The following ZMYM5 variants were observed in gnomAD, a reference collection of about 807,000 sequenced individuals.
ZMYM5 encodes the protein zinc finger MYM-type containing 5, also known as zinc finger MYM-type protein 5.
A neutral mutation model predicts 61.8 loss-of-function variants in ZMYM5; 41 were observed. The ratio of observed to expected loss-of-function variants is 0.66; its 90% CI spans 0.52 to 0.86. The LOEUF (loss-of-function observed/expected upper bound fraction) is 0.86. ZMYM5 is among the 40% of genes least tolerant of loss of function. ZMYM5 has a pLI of 0.00. For missense variants in ZMYM5, 706 were observed against 786.7 expected, an observed-to-expected ratio of 0.90 and a Z score of 1.23; for synonymous variants, 257 against 276.4, an observed-to-expected ratio of 0.93 and a Z score of 0.70.
chr13:19,852,872 G>A (rs1345616841), intron 2 of ZMYM5, among the ~76,000 whole-genome samples: 2 of 152,198 alleles, frequency 1.3e-5, no homozygotes, highest in Non-Finnish European at 2.9e-5. Flanking sequence ...TTTTGAGAGA[G>A]GGTCTGGCTC....
intron 2 of ZMYM5, among the ~76,000 whole-genome samples, chr13:19,858,239 A>G (rs1953582949): frequency 6.6e-6 from 1 of 151,456 alleles, no homozygotes; most frequent in African/African-American, 2.4e-5. Flanking sequence ...AAGACAAAAA[A>G]CAAACAGAAA....
Position 19,825,021 on chromosome 13 carries a change from G to A in ZMYM5, c.1466C>T (p.Pro489Leu), listed in dbSNP as rs776262452. 7.3e-6 allele frequency: 10 copies of A among 1,367,452 alleles called. No individual in the cohort carries two copies. The highest frequency in any genetic ancestry group is 1.5e-5 in the African/African-American group (1 of 67,730). 84.7% of individuals were successfully genotyped at this position (1,367,452 alleles called of 1,614,324 possible). A position where few individuals can be genotyped will look rare whatever the true frequency, so the allele number is the denominator to read the frequency against. Residue 489 changes from proline to leucine, a missense_variant, in exon 8 of 8, where the codon CCT (proline) becomes CTT (leucine). Pro to Leu is a moderately conservative substitution (Grantham distance 98). Transcript: ENST00000337963. Reference sequence around the variant, plus strand: ...AGCTATGGTTGACGTGGAAGAAGGAGGTAAATTCACATTCTCTTGGATCAG... The same window carrying A: ...AGCTATGGTTGACGTGGAAGAAGGAAGTAAATTCACATTCTCTTGGATCAG... ...TLLIQENVNLPPSSTSTIADT... is the reference protein window; with the variant it reads ...TLLIQENVNLLPSSTSTIADT...
At chr13:19,835,820 G>GA (rs1952656389) in intron 6 of ZMYM5, 131 bp from the exon 7 acceptor site, 2 of 626,014 alleles carry the variant, frequency 3.2e-6, no homozygotes, top group African/African-American at 3.9e-5. Flanking sequence ...TATACCCAGG[G>GA]AAAAGATTTT....
chr13:19,834,175 G>A (rs1008558480), intron 7 of ZMYM5, among the ~76,000 whole-genome samples: 6 of 151,906 alleles, frequency 3.9e-5, no homozygotes, highest in Admixed American at 1.3e-4. Flanking sequence ...ACGGGGTTTC[G>A]CCACGTTGGT....
intron 2 of ZMYM5, among the ~76,000 whole-genome samples, chr13:19,861,896 C>T (rs1953779298): frequency 6.6e-6 from 1 of 150,742 alleles, no homozygotes; most frequent in South Asian, 2.1e-4. Flanking sequence ...AACTTCCTAA[C>T]AGAGAGAGAT....
chr13:19,838,598 C>A, intron 5 of ZMYM5, 102 bp downstream of exon 5: 1 of 1,421,518 alleles, frequency 7.0e-7, no homozygotes, highest in Non-Finnish European at 9.6e-7. Context: ...ACTCCTGCAA[C>A]AATTCTACCC....
chr13:19,857,012 A>G (rs4769912), intron 2 of ZMYM5, among the ~76,000 whole-genome samples: 97,186 of 151,566 alleles, frequency 0.64, 34,797 homozygotes, highest in East Asian at 0.89. Context: ...AGGCTGAGGC[A>G]GGAGAATGGC....
At chr13:19,849,705 C>T (rs1051256254) in intron 4 of ZMYM5, among the ~76,000 whole-genome samples, 3 of 152,030 alleles carry the variant, frequency 2.0e-5, no homozygotes, top group Non-Finnish European at 4.4e-5. Flanking sequence ...GTTGGCCGGG[C>T]GCGGTGGCTC....
At chr13:19,840,969 G>A (rs558313808) in intron 4 of ZMYM5, among the ~76,000 whole-genome samples, 8 of 146,078 alleles carry the variant, frequency 5.5e-5, no homozygotes, top group African/African-American at 1.5e-4. Flanking sequence ...GAGCCACCGC[G>A]CCCGGCCCAC....
In ZMYM5 at chr13:19,852,081, A is replaced by C. The variant is rs375681699; in HGVS notation, c.100T>G (p.Ser34Ala). The change falls in exon 3 of 8, where the codon TCA (serine) becomes GCA (alanine). Residue 34 changes from serine (S) to alanine (A), a missense_variant. By Grantham distance (99) the Ser-to-Ala change is moderately conservative. Around this residue, in one of 2 missense-constraint regions of ZMYM5, gnomAD observed 480 missense variants for 461.7 expected, o/e 1.04. Transcript: ENST00000337963. ...MATSLMDIGD[S>A]FGHPACPLVS... Reference sequence around the variant, plus strand: ...AAAGGACAAGCTGGATGACCAAATGAATCCCCTATGTCCATGAGACTAGTT... The same window carrying C: ...AAAGGACAAGCTGGATGACCAAATGCATCCCCTATGTCCATGAGACTAGTT... The C allele has an allele frequency of 1.1e-5, 18 of 1,613,846 alleles. No homozygotes were observed. The highest frequency in any genetic ancestry group is 3.3e-5 in the Admixed American group (2 of 59,994).
At chr13:19,862,357 T>C (rs1196055463) in intron 2 of ZMYM5, 42 bp downstream of exon 2, 6 of 151,492 alleles carry the variant, frequency 4.0e-5, no homozygotes, top group African/African-American at 1.2e-4. Flanking sequence ...GCACTAATTA[T>C]ATTAGACAGC....
At chr13:19,847,118 T>G (rs1566100422) in intron 4 of ZMYM5, among the ~76,000 whole-genome samples, 1 of 151,984 alleles carries the variant, frequency 6.6e-6, no homozygotes, top group Non-Finnish European at 1.5e-5. Flanking sequence ...CAGCTAATTT[T>G]TTGCATTTTT....
At chr13:19,845,959 G>C (rs1953059366) in intron 4 of ZMYM5, among the ~76,000 whole-genome samples, 1 of 152,140 alleles carries the variant, frequency 6.6e-6, no homozygotes, top group Non-Finnish European at 1.5e-5. Flanking sequence ...CTTTGGGCTG[G>C]CTCAAAGACC....
intron 2 of ZMYM5, among the ~76,000 whole-genome samples, chr13:19,853,601 G>GT (rs907329013): frequency 2.2e-4 from 32 of 145,866 alleles, no homozygotes; most frequent in Non-Finnish European, 2.4e-4. Context: ...CGTGGCCTCA[G>GT]TTTTTTTTTT....
At position 19,863,201 on chromosome 13, in the gene ZMYM5, ACCCCGCCT is replaced by A. The variant is rs1171657310; in HGVS notation, c.-79+241_-79+248del. Among the ~76,000 whole-genome samples, 34 of 59,036 alleles carry A rather than the reference ACCCCGCCT, an allele frequency of 5.8e-4. 1 individual carries two copies. Among genetic ancestry groups the A allele is most frequent in the Non-Finnish European group, 1.2e-3 (31 of 25,998 alleles). The allele number at this position is 59,036 out of a possible 152,430, so 38.7% of individuals were successfully genotyped here. On this transcript the variant is annotated intron_variant, in intron 1 of 7. Coordinates refer to ENST00000337963, the MANE Select transcript of ZMYM5 (RefSeq NM_001142684.2). ...CGGGCGGCCGGCAACCCGCCCCGCC[ACCCCGCCT>A]CCCCGCCGGCCCCGCGACCTCCGCC...
In ZMYM5 at chr13:19,823,556, CAAT is replaced by C. The variant is rs1053744351; in HGVS notation, c.*918_*920del. ...AAAATAGGTAAATATAGTTCACATA[CAAT>C]AATAAATGCTAAAACATTTACAAAT... On this transcript the variant is annotated 3_prime_UTR_variant, in exon 8 of 8. Coordinates refer to ENST00000337963, the MANE Select transcript of ZMYM5 (RefSeq NM_001142684.2). 2.0e-5 allele frequency: 3 copies of C among 151,724 alleles called. No homozygotes were observed. The highest frequency in any genetic ancestry group is 4.8e-5 in the African/African-American group (2 of 41,310). The allele number at this position is 151,724 out of a possible 1,614,324, so 9.4% of individuals were successfully genotyped here.
At chr13:19,841,536 T>A (rs921823033) in intron 4 of ZMYM5, among the ~76,000 whole-genome samples, 1 of 151,812 alleles carries the variant, frequency 6.6e-6, no homozygotes, top group Non-Finnish European at 1.5e-5. Flanking sequence ...CATTTTGTCA[T>A]TTTTTCCCTA....
chr13:19,835,819 G>A lies in ZMYM5; in HGVS notation c.1039-130C>T, dbSNP rs557194636. ...ATATCTCAGAGGAAGATATACCCAG[G>A]GAAAAGATTTTTTTTTTTTTCTGAG... On this transcript the variant is annotated intron_variant, in intron 6 of 7. Coordinates refer to ENST00000337963, the MANE Select transcript of ZMYM5 (RefSeq NM_001142684.2). 1.6e-5 allele frequency: 10 copies of A among 638,376 alleles called. No homozygotes were observed. In the East Asian group the frequency reaches 6.0e-4, roughly 39 times the overall value. The allele number at this position is 638,376 out of a possible 1,614,324, so 39.5% of individuals were successfully genotyped here. A position where few individuals can be genotyped will look rare whatever the true frequency, so the allele number is the denominator to read the frequency against.
At chr13:19,833,871 G>A (rs1281244630) in intron 7 of ZMYM5, among the ~76,000 whole-genome samples, 1 of 152,186 alleles carries the variant, frequency 6.6e-6, no homozygotes, top group Non-Finnish European at 1.5e-5. Flanking sequence ...CAGGCACAAT[G>A]GCTCATGCCT....
Sources: gnomAD v4.1 joint callset for allele counts (sites outside exome capture counted in the v4.1 genomes callset) on GRCh38, gnomAD v4.1.1 for gene constraint, gnomAD v4.1.1 regional missense constraint, MANE v1.5 for transcripts, NCBI Gene and HGNC (gene_info 2026-07-23, HGNC 2026-07-21) for gene names.